CEP350: variants seen among roughly 807,000 people sequenced by gnomAD.
CEP350 encodes centrosomal protein 350.
CEP350 carries 126 observed loss-of-function variants against 331.8 expected under a neutral mutation model. The ratio of observed to expected loss-of-function variants is 0.38; its 90% CI spans 0.33 to 0.44. The LOEUF (loss-of-function observed/expected upper bound fraction) is 0.44, where lower values mean the gene tolerates loss of function less well. Among genes scored for constraint, CEP350 ranks in the 20% least tolerant of loss-of-function variants. The pLI is 1.00. For synonymous variants in CEP350, 1,200 were observed against 1,259.5 expected (o/e 0.95, Z 1.00); for missense variants, 3,406 against 3,634.6 (o/e 0.94, Z 1.62).
At chr1:179,978,985 T>C (rs897685365) in intron 1 of CEP350, among the ~76,000 whole-genome samples, 1 of 152,150 alleles carries the variant, frequency 6.6e-6, no homozygotes, top group Non-Finnish European at 1.5e-5. Context: ...GACACTTGGG[T>C]TGATTCCATT....
intron 1 of CEP350, among the ~76,000 whole-genome samples, chr1:179,973,332 C>T (rs1323431410): frequency 6.6e-6 from 1 of 152,172 alleles, no homozygotes; most frequent in African/African-American, 2.4e-5. Flanking sequence ...ACCTAGTAGT[C>T]AATCTTTGCT....
chr1:180,086,536 T>TATGC (rs939102533), intron 31 of CEP350, among the ~76,000 whole-genome samples: 27 of 41,600 alleles, frequency 6.5e-4, no homozygotes, highest in African/African-American at 1.6e-3. Flanking sequence ...GTATATGAGA[T>TATGC]ATGCATATAT....
chr1:180,075,456 C>G (rs1214106365), intron 28 of CEP350, among the ~76,000 whole-genome samples: 1 of 151,986 alleles, frequency 6.6e-6, no homozygotes, highest in Non-Finnish European at 1.5e-5. Context: ...TGTGGTGGTA[C>G]ATGCCTATAG....
In CEP350 at chr1:180,015,973, A is replaced by G. The variant is rs1184985811; in HGVS notation, c.2174+3A>G. On this transcript the variant is annotated splice_donor_region_variant and intron_variant, in intron 11 of 37. Coordinates refer to ENST00000367607, the MANE Select transcript of CEP350 (RefSeq NM_014810.5). Reference sequence around the variant, plus strand: ...GAACCTCCACAGCCTCTTGCAAGGTAAAAAGGGAAGAATGAAAGATGATTA... The same window carrying G: ...GAACCTCCACAGCCTCTTGCAAGGTGAAAAGGGAAGAATGAAAGATGATTA... 2 of 1,612,930 alleles carry G rather than the reference A, an allele frequency of 1.2e-6. No individual in the cohort carries two copies. The highest frequency in any genetic ancestry group is 1.7e-6 in the Non-Finnish European group (2 of 1,179,452).
chr1:180,078,119 A>G (rs558090108), intron 28 of CEP350, among the ~76,000 whole-genome samples: 5 of 152,116 alleles, frequency 3.3e-5, no homozygotes, highest in African/African-American at 1.2e-4. Context: ...GGCAACAAGA[A>G]CGGGATGCCA....
intron 37 of CEP350, among the ~76,000 whole-genome samples, chr1:180,102,277 A>T (rs1451211361): frequency 6.6e-6 from 1 of 152,034 alleles, no homozygotes; most frequent in African/African-American, 2.4e-5. Context: ...CTGGGATTAG[A>T]GGCGCATGCC....
At chr1:179,961,130 T>C (rs1650577966) in intron 1 of CEP350, among the ~76,000 whole-genome samples, 1 of 152,192 alleles carries the variant, frequency 6.6e-6, no homozygotes, top group Admixed American at 6.5e-5. Context: ...ATCAAAAGTT[T>C]CACTTTTCAA....
Position 180,011,979 on chromosome 1 carries a change from G to C in CEP350, c.1297G>C (p.Val433Leu), listed in dbSNP as rs993847409. Reference protein sequence around the residue: ...TSSWRDGQKLVKKILGPAPRM... With the variant: ...TSSWRDGQKLLKKILGPAPRM... Reference sequence around the variant, plus strand: ...TTCTTGGCGAGATGGACAAAAATTAGTAAAGAAGATTCTGGGACCTGCTCC... The same window carrying C: ...TTCTTGGCGAGATGGACAAAAATTACTAAAGAAGATTCTGGGACCTGCTCC... Residue 433 changes from valine (V) to leucine (L), a missense_variant, in exon 9 of 38, where the codon GTA (valine) becomes CTA (leucine). Physicochemically the swap from Val to Leu is conservative, Grantham distance 32. Around this residue, in one of 5 missense-constraint regions of CEP350, gnomAD observed 1,857 missense variants for 1,909.2 expected, o/e 0.97. Transcript: ENST00000367607. 2 of 1,599,106 alleles carry C rather than the reference G, an allele frequency of 1.3e-6. No individual in the cohort carries two copies. The highest frequency in any genetic ancestry group is 8.5e-7 in the Non-Finnish European group (1 of 1,171,900).
intron 14 of CEP350, among the ~76,000 whole-genome samples, chr1:180,028,199 C>G (rs935626757): frequency 6.6e-6 from 1 of 152,196 alleles, no homozygotes; most frequent in Non-Finnish European, 1.5e-5. Context: ...CTCATCAACA[C>G]TGTAATATGC....
At chr1:179,985,043 A>G (rs1484173391) in intron 1 of CEP350, among the ~76,000 whole-genome samples, 2 of 152,182 alleles carry the variant, frequency 1.3e-5, no homozygotes, top group Admixed American at 6.5e-5. Flanking sequence ...TCTTAAGTGT[A>G]CAGTTCAGTG....
chr1:180,056,391 C>T (rs1657840043), intron 25 of CEP350, among the ~76,000 whole-genome samples: 1 of 150,904 alleles, frequency 6.6e-6, no homozygotes, highest in Admixed American at 6.6e-5. Context: ...TTAGGATTTG[C>T]TGAGCTTCTT....
intron 1 of CEP350, among the ~76,000 whole-genome samples, chr1:179,985,380 T>G (rs528451237): frequency 1.2e-4 from 19 of 152,332 alleles, no homozygotes; most frequent in Middle Eastern, 3.4e-3. Flanking sequence ...TAAATGTCAT[T>G]TTGCTTATTC....
intron 5 of CEP350, among the ~76,000 whole-genome samples, chr1:179,993,586 AT>A (rs895195186): frequency 1.3e-5 from 2 of 150,858 alleles, no homozygotes. Context: ...TGACCGACTA[AT>A]TTTTTTTTGT....
At chr1:179,959,367 T>C (rs1650417910) in intron 1 of CEP350, among the ~76,000 whole-genome samples, 1 of 152,050 alleles carries the variant, frequency 6.6e-6, no homozygotes, top group South Asian at 2.1e-4. Flanking sequence ...GGCAGGAGAA[T>C]TGCTTGAACC....
At chr1:180,054,110 G>A (rs575476944) in intron 24 of CEP350, among the ~76,000 whole-genome samples, 176 bp downstream of exon 24, 2 of 152,054 alleles carry the variant, frequency 1.3e-5, no homozygotes, top group Non-Finnish European at 2.9e-5. Context: ...TCCTACCCAC[G>A]TAACATTTTC....
chr1:180,081,406 T>G (rs1659557826), intron 30 of CEP350, among the ~76,000 whole-genome samples: 1 of 152,240 alleles, frequency 6.6e-6, no homozygotes. Context: ...ATAATTTATT[T>G]AACTGTTTCC....
intron 37 of CEP350, among the ~76,000 whole-genome samples, chr1:180,108,216 CGA>C (rs756624530): frequency 9.2e-5 from 14 of 151,984 alleles, no homozygotes; most frequent in Non-Finnish European, 1.8e-4. Context: ...GAGGTTACAC[CGA>C]GAGAGAGAAT....
chr1:180,056,401 T>C (rs959576705), intron 25 of CEP350, among the ~76,000 whole-genome samples: 1 of 151,946 alleles, frequency 6.6e-6, no homozygotes, highest in African/African-American at 2.4e-5. Flanking sequence ...CTGAGCTTCT[T>C]GTATTGGTTT....
chr1:180,020,964 A>G lies in CEP350; in HGVS notation c.3190A>G (p.Ser1064Gly). 1 of 1,579,502 alleles carries G rather than the reference A, an allele frequency of 6.3e-7. No individual in the cohort carries two copies. Among genetic ancestry groups the G allele is most frequent in the Non-Finnish European group, 8.6e-7 (1 of 1,169,080 alleles). The change falls in exon 12 of 38, where the codon AGC becomes GGC. Residue 1064 changes from serine (S) to glycine (G), a missense_variant. Ser to Gly is a moderately conservative substitution (Grantham distance 56, BLOSUM62 0). Transcript: ENST00000367607. ...WEELAKGSPH[S>G]VINIFTKSYQ... ...AGAATTGGCAAAGGGAAGTCCACAT[A>G]GCGTCATTAATATTTTTACAAAATC... is the stretch of plus-strand genomic sequence containing the variant.
Sources: gnomAD v4.1 joint callset for allele counts (sites outside exome capture counted in the v4.1 genomes callset) on GRCh38, gnomAD v4.1.1 for gene constraint, gnomAD v4.1.1 regional missense constraint, MANE v1.5 for transcripts, NCBI Gene and HGNC (gene_info 2026-07-23, HGNC 2026-07-21) for gene names.